Variants in STXBP4 observed in about 807,000 individuals in gnomAD.
STXBP4 encodes the protein syntaxin binding protein 4.
In STXBP4, 55 loss-of-function variants were observed where a neutral mutation model predicts 76.1. The observed-to-expected ratio is 0.72, with a 90% CI of 0.58 to 0.91. The LOEUF is 0.91. STXBP4 is among the 40% of genes least tolerant of loss of function. STXBP4 has a pLI of 0.00. For missense variants in STXBP4, 618 were observed against 636.9 expected (o/e 0.97, Z 0.32); for synonymous variants, 201 against 220.2 (o/e 0.91, Z 0.77).
Position 54,990,966 on chromosome 17 carries a change from A to C in STXBP4, c.180+9A>C. 1 of 1,543,202 alleles carries C rather than the reference A, an allele frequency of 6.5e-7. No homozygotes were observed. The highest frequency in any genetic ancestry group is 8.7e-7 in the Non-Finnish European group (1 of 1,152,380). On this transcript the variant is annotated intron_variant, in intron 4 of 17. Transcript: ENST00000376352. ...GAGGAGACTGTTATAAGGTAAAAAT[A>C]TGTCCCATGCCCACCAAAAATACAA...
intron 8 of STXBP4, among the ~76,000 whole-genome samples, chr17:55,029,146 G>A (rs1363984126): frequency 1.3e-5 from 2 of 151,998 alleles, no homozygotes; most frequent in Non-Finnish European, 2.9e-5. Context: ...ACTGTTCACA[G>A]TTAAAATAAG....
intron 8 of STXBP4, among the ~76,000 whole-genome samples, chr17:55,008,783 T>A (rs1258816169): frequency 6.6e-6 from 1 of 152,088 alleles, no homozygotes; most frequent in Non-Finnish European, 1.5e-5. Flanking sequence ...GGTCTTTTAA[T>A]CTACTTTTAG....
At chr17:55,053,350 T>A (rs1051093380) in intron 12 of STXBP4, among the ~76,000 whole-genome samples, 2 of 152,120 alleles carry the variant, frequency 1.3e-5, no homozygotes, top group African/African-American at 4.8e-5. Context: ...CATGTATATT[T>A]ATATATACAT....
intron 15 of STXBP4, among the ~76,000 whole-genome samples, chr17:55,080,697 A>G (rs190453112): frequency 1.3e-5 from 2 of 152,196 alleles, no homozygotes; most frequent in Admixed American, 6.6e-5. Flanking sequence ...TCATGTTTAT[A>G]TGCTTAATTT....
At chr17:55,043,726 A>G (rs1170017870) in intron 11 of STXBP4, 7 of 1,311,236 alleles carry the variant, frequency 5.3e-6, no homozygotes, top group Non-Finnish European at 7.3e-6. Flanking sequence ...CTTAAGGGAC[A>G]TCATGTTTTG....
At chr17:55,027,996 T>G (rs1309669481) in intron 8 of STXBP4, among the ~76,000 whole-genome samples, 8 of 152,120 alleles carry the variant, frequency 5.3e-5, no homozygotes, top group African/African-American at 1.9e-4. Context: ...AAATATATGA[T>G]AAGTCTTACC....
At position 54,994,388 on chromosome 17, in the gene STXBP4, T is replaced by C. The variant is rs2077765136; in HGVS notation, c.180+3431T>C. 2.0e-5 allele frequency among the ~76,000 whole-genome samples: 3 copies of C among 152,336 alleles called. 1 individual carries two copies. Among genetic ancestry groups the C allele is most frequent in the Middle Eastern group, 6.8e-3 (2 of 294 alleles). On this transcript the variant is annotated intron_variant, in intron 4 of 17. Transcript: ENST00000376352. ...ACATTTACATCACACCATATTCTGCTCAACTCTTCCCAAACAGAGTCTCTT... is the reference window on the plus strand; with the variant it reads ...ACATTTACATCACACCATATTCTGCCCAACTCTTCCCAAACAGAGTCTCTT...
chr17:55,043,030 T>G lies in STXBP4; in HGVS notation c.856-206T>G, dbSNP rs556840542. ...TGACAACAAAATCAAAATTCTATTATAAGTGACAACAATGTAAGGTTAAAA... is the reference window on the plus strand; with the variant it reads ...TGACAACAAAATCAAAATTCTATTAGAAGTGACAACAATGTAAGGTTAAAA... On this transcript the variant is annotated intron_variant, in intron 10 of 17. Transcript: ENST00000376352. 1.2e-4 allele frequency among the ~76,000 whole-genome samples: 18 copies of G among 152,256 alleles called. No individual in the cohort carries two copies. The East Asian group carries it at 3.1e-3, about 26-fold the overall frequency.
intron 8 of STXBP4, among the ~76,000 whole-genome samples, chr17:55,021,722 A>C (rs2078314628): frequency 6.6e-6 from 1 of 152,166 alleles, no homozygotes; most frequent in African/African-American, 2.4e-5. Context: ...GGATTCCTCC[A>C]GGATCTTTTC....
chr17:55,143,309 A>T (rs1598347356), intron 17 of STXBP4, among the ~76,000 whole-genome samples: 1 of 152,204 alleles, frequency 6.6e-6, no homozygotes, highest in Non-Finnish European at 1.5e-5. Flanking sequence ...ATTAGCATTC[A>T]TTATTAACTG....
intron 12 of STXBP4, among the ~76,000 whole-genome samples, chr17:55,064,308 C>A (rs1567744816): frequency 6.6e-6 from 1 of 151,696 alleles, no homozygotes; most frequent in Non-Finnish European, 1.5e-5. Flanking sequence ...ATTCTGCTAC[C>A]CCTGCCACAT....
At chr17:54,993,524 T>G (rs1390898315) in intron 4 of STXBP4, among the ~76,000 whole-genome samples, 1 of 152,244 alleles carries the variant, frequency 6.6e-6, no homozygotes, top group Non-Finnish European at 1.5e-5. Context: ...ACATTATTTT[T>G]AAATATTTTC....
intron 16 of STXBP4, among the ~76,000 whole-genome samples, chr17:55,122,515 G>C (rs2079857268): frequency 6.6e-6 from 1 of 152,122 alleles, no homozygotes; most frequent in Admixed American, 6.6e-5. Flanking sequence ...ATAAATGAAG[G>C]AATGTGGTCT....
chr17:55,015,919 G>A, intron 8 of STXBP4, among the ~76,000 whole-genome samples: 1 of 152,210 alleles, frequency 6.6e-6, no homozygotes, highest in Non-Finnish European at 1.5e-5. Flanking sequence ...CTGTAAGATG[G>A]TGTTATAATT....
chr17:55,006,851 G>A lies in STXBP4; in HGVS notation c.575-655G>A, dbSNP rs542740248. 2.6e-5 allele frequency among the ~76,000 whole-genome samples: 4 copies of A among 152,146 alleles called. No homozygotes were observed. In the South Asian group the frequency reaches 6.2e-4, roughly 24 times the overall value. On this transcript the variant is annotated intron_variant, in intron 7 of 17. Transcript: ENST00000376352. ...ACATCACAAAACACTTTTGCCAGTC[G>A]AAAAAATACCAACATCTTTGAACAA... is the stretch of plus-strand genomic sequence containing the variant.
chr17:55,198,295 C>A, the STXBP4 span, among the ~76,000 whole-genome samples: 1 of 152,148 alleles, frequency 6.6e-6, no homozygotes, highest in Non-Finnish European at 1.5e-5. Context: ...CCTTTTGTTA[C>A]TTAGGTGTGG....
intron 17 of STXBP4, among the ~76,000 whole-genome samples, chr17:55,154,225 G>C (rs751079719): frequency 1.3e-5 from 2 of 152,090 alleles, no homozygotes; most frequent in Admixed American, 6.6e-5. Flanking sequence ...AGGCACTCCA[G>C]CTTCTTAAAA....
chr17:55,159,791 C>A lies in STXBP4; in HGVS notation c.1548-6C>A. ...AGATTCTAATTGCATTCTTGTTCTT[C>A]TCAAGTCATGTAACACAGACTACAT... On this transcript the variant is annotated splice_region_variant and splice_polypyrimidine_tract_variant and intron_variant, in intron 17 of 17. Transcript: ENST00000376352. The A allele has an allele frequency of 6.3e-7, 1 of 1,583,120 alleles. No individual in the cohort carries two copies.
At chr17:55,086,015 A>T (rs1260640601) in intron 16 of STXBP4, among the ~76,000 whole-genome samples, 1 of 152,166 alleles carries the variant, frequency 6.6e-6, no homozygotes, top group Non-Finnish European at 1.5e-5. Context: ...CAGTGGAGGG[A>T]AACACCTGCA....
Sources: allele counts gnomAD v4.1 joint callset (sites outside exome capture counted in the v4.1 genomes callset), GRCh38; gene constraint gnomAD v4.1.1; transcripts MANE v1.5; gene names NCBI Gene and HGNC (gene_info 2026-07-23, HGNC 2026-07-21).